The following VRTN variants were observed in gnomAD, a reference collection of about 807,000 sequenced individuals.
VRTN encodes vertebrae development associated.
Under a neutral mutation model 18.2 loss-of-function variants are expected in VRTN, and 5 were observed. The observed-to-expected ratio is 0.27, with a 90% CI of 0.14 to 0.58. VRTN has a LOEUF of 0.58. Among genes scored for constraint, VRTN ranks in the 20% least tolerant of loss-of-function variants. VRTN has a pLI of 0.91. For missense variants in VRTN, 741 were observed against 939.4 expected, an observed-to-expected ratio of 0.79 and a Z score of 2.76; for synonymous variants, 381 against 393.7, an observed-to-expected ratio of 0.97 and a Z score of 0.38.
intron 1 of VRTN, among the ~76,000 whole-genome samples, chr14:74,305,212 A>G (rs908945287): frequency 6.6e-6 from 1 of 152,036 alleles, no homozygotes; most frequent in South Asian, 2.1e-4. Flanking sequence ...GGTGCATGTA[A>G]TCCCAGCTAC....
In VRTN at chr14:74,358,581, G is replaced by C. The variant is rs45447993; in HGVS notation, c.1798G>C (p.Glu600Gln). Residue 600 changes from glutamate to glutamine, a missense_variant, in exon 2 of 2, where the codon GAG (glutamate) becomes CAG (glutamine). Physicochemically the swap from Glu to Gln is conservative, Grantham distance 29 (BLOSUM62 2). Around this residue, in one of 3 missense-constraint regions of VRTN, gnomAD observed 494 missense variants for 546.5 expected, o/e 0.90. Coordinates refer to ENST00000256362, the MANE Select transcript of VRTN (RefSeq NM_018228.3). This position sits in a 1 kb window ranked among gnomAD's most constrained non-coding sequence, Gnocchi z 5.4. ...PPVGASSEDVEGGPSREGALQ... is the reference protein window; with the variant it reads ...PPVGASSEDVQGGPSREGALQ... The stretch of plus-strand genomic sequence containing the variant: ...TGTGGGGGCTTCTTCAGAAGATGTA[G>C]AGGGAGGGCCTTCCAGAGAGGGGGC... 12 of 1,603,718 alleles carry C rather than the reference G, an allele frequency of 7.5e-6. No individual in the cohort carries two copies. The highest frequency in any genetic ancestry group is 9.4e-6 in the Non-Finnish European group (11 of 1,174,366).
At position 74,359,392 on chromosome 14, in the gene VRTN, G is replaced by C. The variant is rs1479967142; in HGVS notation, c.*500G>C. 1.2e-5 allele frequency: 2 copies of C among 168,538 alleles called. No individual in the cohort carries two copies. Among genetic ancestry groups the C allele is most frequent in the African/African-American group, 4.8e-5 (2 of 41,428 alleles). The allele number at this position is 168,538 out of a possible 1,614,324, so 10.4% of individuals were successfully genotyped here. A position where few individuals can be genotyped will look rare whatever the true frequency, so the allele number is the denominator to read the frequency against. On this transcript the variant is annotated 3_prime_UTR_variant, in exon 2 of 2. Transcript: ENST00000256362. ...TGTTTCCCAAAGGAACATTAGGCTC[G>C]AATATGGGGGCCAGGTGTGGTGGCT...
At chr14:74,339,455 G>C (rs1166130376) in intron 2 of VRTN, among the ~76,000 whole-genome samples, 1 of 151,854 alleles carries the variant, frequency 6.6e-6, no homozygotes, top group African/African-American at 2.4e-5. Flanking sequence ...ACAGGCAAGA[G>C]AGGGTAAAAG....
chr14:74,308,871 T>G (rs34467399), intron 1 of VRTN, among the ~76,000 whole-genome samples: 89,386 of 149,056 alleles, frequency 0.6, 28,471 homozygotes, highest in African/African-American at 0.82. Flanking sequence ...TGTTTGTTTT[T>G]TTTTTTTTTT....
chr14:74,311,083 T>A (rs556263347), intron 1 of VRTN, among the ~76,000 whole-genome samples: 2 of 152,298 alleles, frequency 1.3e-5, no homozygotes, highest in Admixed American at 6.5e-5. Flanking sequence ...TATTAAGACT[T>A]AAACATTACC....
In VRTN at chr14:74,331,965, C is replaced by T. The variant is rs10137719; in HGVS notation, c.-163-5758C>T. On this transcript the variant is annotated intron_variant, in intron 1 of 2. Coordinates refer to the VRTN transcript ENST00000557177. ...CATTTTCAGGCTCACCCTACATATG[C>T]GTCCAAAGGAAGGGAGCATGTGGCT... Among the ~76,000 whole-genome samples the T allele has an allele frequency of 6.8e-3, 1,040 of 152,062 alleles. 9 individuals carry two copies. The highest frequency in any genetic ancestry group is 0.024 in the African/African-American group (985 of 41,496).
intron 1 of VRTN, among the ~76,000 whole-genome samples, chr14:74,311,699 C>T (rs371433620): frequency 2.0e-4 from 30 of 151,710 alleles, no homozygotes; most frequent in East Asian, 1.7e-3. Flanking sequence ...GGTGAGCCAC[C>T]GCTCCCGGCC....
intron 2 of VRTN, among the ~76,000 whole-genome samples, chr14:74,339,669 T>C (rs565636120): frequency 2.9e-4 from 44 of 151,980 alleles, no homozygotes; most frequent in African/African-American, 9.6e-4. Flanking sequence ...AAAAATTTCA[T>C]TGGGCATGGT....
intron 1 of VRTN, among the ~76,000 whole-genome samples, chr14:74,325,709 G>T (rs1271327745): frequency 1.3e-5 from 2 of 152,104 alleles, no homozygotes; most frequent in Non-Finnish European, 2.9e-5. Flanking sequence ...GTTGGAAGCT[G>T]CAGTGACCCA....
chr14:74,323,169 G>C (rs534456506), intron 1 of VRTN, among the ~76,000 whole-genome samples: 1 of 152,108 alleles, frequency 6.6e-6, no homozygotes, highest in Non-Finnish European at 1.5e-5. Context: ...GAAGCCACAG[G>C]ACAGCTGAAT....
Position 74,316,521 on chromosome 14 carries a change from CAAACAAAT to C in VRTN, c.-164+13346_-164+13353del, listed in dbSNP as rs2085420294. Among the ~76,000 whole-genome samples, 3 of 151,438 alleles carry C rather than the reference CAAACAAAT, an allele frequency of 2.0e-5. No homozygotes were observed. The East Asian group carries it at 5.9e-4, about 30-fold the overall frequency. On this transcript the variant is annotated intron_variant, in intron 1 of 2. Coordinates refer to the VRTN transcript ENST00000557177. ...AAGCGAGACATCTCAAACAAACAAA[CAAACAAAT>C]GAACAAACAACCTGAATGAAGTGAA...
At chr14:74,312,993 G>A (rs929015403) in intron 1 of VRTN, among the ~76,000 whole-genome samples, 11 of 148,736 alleles carry the variant, frequency 7.4e-5, no homozygotes, top group East Asian at 6.0e-4. Flanking sequence ...CACCTGCCTC[G>A]GCCTCCCAAA....
intron 1 of VRTN, among the ~76,000 whole-genome samples, chr14:74,314,150 G>A (rs76483113): frequency 6.6e-6 from 1 of 151,670 alleles, no homozygotes; most frequent in South Asian, 2.1e-4. Context: ...TTTTTTTTTA[G>A]AGACAAGGTC....
At chr14:74,303,338 C>T in intron 1 of VRTN, among the ~76,000 whole-genome samples, 1 of 152,168 alleles carries the variant, frequency 6.6e-6, no homozygotes, top group East Asian at 1.9e-4. Context: ...ATCGCTTGAG[C>T]CCAGGAATTC....
chr14:74,318,780 C>T (rs1025762046), intron 1 of VRTN, among the ~76,000 whole-genome samples: 40 of 142,068 alleles, frequency 2.8e-4, no homozygotes, highest in African/African-American at 1.0e-3. Context: ...ATGGCCCAAT[C>T]TTGGCTCACT....
chr14:74,342,504 T>C (rs143702781), intron 2 of VRTN, among the ~76,000 whole-genome samples: 307 of 152,228 alleles, frequency 2.0e-3, no homozygotes, highest in African/African-American at 7.3e-3. Flanking sequence ...TATATGTGTA[T>C]GTGTGTGCAT....
chr14:74,303,258 A>C, intron 1 of VRTN: 2 of 253,532 alleles, frequency 7.9e-6, no homozygotes, highest in East Asian at 7.4e-5. Context: ...AAAAGTATAA[A>C]TTAGGCTTCC....
chr14:74,329,379 G>C (rs887846660), intron 1 of VRTN, among the ~76,000 whole-genome samples: 1 of 152,120 alleles, frequency 6.6e-6, no homozygotes, highest in East Asian at 1.9e-4. Flanking sequence ...TTCCTGAGTA[G>C]CTGGGACTAC....
intron 1 of VRTN, among the ~76,000 whole-genome samples, chr14:74,304,378 A>C (rs1015779232): frequency 6.6e-6 from 1 of 151,948 alleles, no homozygotes; most frequent in Non-Finnish European, 1.5e-5. Context: ...CTGGTCTCGA[A>C]CTCCCGACCT....
Sources: gnomAD v4.1 joint callset for allele counts (sites outside exome capture counted in the v4.1 genomes callset) on GRCh38, gnomAD v4.1.1 for gene constraint, gnomAD v4.1.1 regional missense constraint, Gnocchi (gnomAD v3.1) non-coding constraint, MANE v1.5 for transcripts, NCBI Gene and HGNC (gene_info 2026-07-23, HGNC 2026-07-21) for gene names.